ZNF676: variants seen among roughly 807,000 people sequenced by gnomAD.
ZNF676 encodes the protein zinc finger protein 676.
A neutral mutation model predicts 6.0 loss-of-function variants in ZNF676; 4 were observed. The ratio of observed to expected loss-of-function variants is 0.67; its 90% CI spans 0.33 to 1.53. The LOEUF is 1.53. Ranked by LOEUF, ZNF676 falls within the 40% of genes most tolerant of loss-of-function variation. The pLI is 0.06. For missense variants in ZNF676, 644 were observed against 679.7 expected (o/e 0.95, Z 0.58); for synonymous variants, 198 against 223.1 (o/e 0.89, Z 1.00).
chr19:22,254,160 A>C, the ZNF676 span, among the ~76,000 whole-genome samples: 7 of 152,336 alleles, frequency 4.6e-5, no homozygotes, highest in South Asian at 2.1e-4. Context: ...CAGAAGTCAT[A>C]TCACCTAGGT....
At chr19:22,214,365 A>C (rs1029404424) in intron 1 of ZNF676, among the ~76,000 whole-genome samples, 1 of 152,146 alleles carries the variant, frequency 6.6e-6, no homozygotes, top group African/African-American at 2.4e-5. Flanking sequence ...CTGTAATCCC[A>C]GCACTTTGGG....
At chr19:22,241,823 T>C in the ZNF676 span, among the ~76,000 whole-genome samples, 3 of 151,914 alleles carry the variant, frequency 2.0e-5, no homozygotes, top group Non-Finnish European at 4.4e-5. Context: ...ATCTCATTTG[T>C]GGTCAGGTGT....
At chr19:22,193,183 T>A in intron 1 of ZNF676, 72 bp from the exon 2 acceptor site, 1 of 1,420,118 alleles carries the variant, frequency 7.0e-7, no homozygotes, top group Non-Finnish European at 9.4e-7. Context: ...ATGTGCTCAG[T>A]AAAGAGGATG....
In ZNF676 at chr19:22,214,116, G is replaced by A. The variant is rs952424244; in HGVS notation, c.3+1516C>T. 5.3e-5 allele frequency among the ~76,000 whole-genome samples: 8 copies of A among 152,278 alleles called. No homozygotes were observed. The South Asian group carries it at 1.2e-3, about 24-fold the overall frequency. On this transcript the variant is annotated intron_variant, in intron 1 of 3. Transcript: ENST00000650058. ...TAAGGGAGGGGAAACTGGCATTTGG[G>A]AATGTCAGAAGGAACTGGAAATTAA...
the ZNF676 span, among the ~76,000 whole-genome samples, chr19:22,237,802 C>T: frequency 1.3e-5 from 2 of 152,190 alleles, no homozygotes; most frequent in Admixed American, 1.3e-4. Context: ...CATCAGGGTC[C>T]TCCCATACGT....
At chr19:22,211,390 C>G (rs1341310930) in intron 1 of ZNF676, among the ~76,000 whole-genome samples, 1 of 152,092 alleles carries the variant, frequency 6.6e-6, no homozygotes, top group Non-Finnish European at 1.5e-5. Context: ...CCTTAGCTTG[C>G]AGTCATTGGG....
chr19:22,252,888 A>G, the ZNF676 span, among the ~76,000 whole-genome samples: 73 of 152,350 alleles, frequency 4.8e-4, no homozygotes, highest in African/African-American at 1.8e-3. Flanking sequence ...CTCAAGTGCT[A>G]GGCTGAGGTA....
chr19:22,179,967 T>C lies in ZNF676; in HGVS notation c.1750A>G (p.Thr584Ala). 6.2e-7 allele frequency: 1 copy of C among 1,613,380 alleles called. No individual in the cohort carries two copies. Among genetic ancestry groups the C allele is most frequent in the South Asian group, 1.1e-5 (1 of 91,042 alleles). Residue 584 changes from threonine (T) to alanine (A), a missense_variant, in exon 3 of 3, where the codon ACT (threonine) becomes GCT (alanine). Thr to Ala is a moderately conservative substitution (Grantham distance 58). Coordinates refer to ENST00000397121, the MANE Select transcript of ZNF676 (RefSeq NM_001001411.3). ...STVSYHKKIHTGENP is the reference protein window; with the variant it reads ...STVSYHKKIHAGENP ...TCACATTTTTAGGGATTCTCTCCAG[T>C]ATGAATTTTCTTATGATAACTAACA...
At chr19:22,226,002 A>C in the ZNF676 span, among the ~76,000 whole-genome samples, 1 of 152,184 alleles carries the variant, frequency 6.6e-6, no homozygotes, top group Non-Finnish European at 1.5e-5. Context: ...CATCTAAGAA[A>C]ATGATTCCAA....
At chr19:22,182,147 G>C (rs2023764721) in intron 2 of ZNF676, among the ~76,000 whole-genome samples, 1 of 152,002 alleles carries the variant, frequency 6.6e-6, no homozygotes, top group Non-Finnish European at 1.5e-5. Flanking sequence ...GGTGTACCAA[G>C]TGATTACTTT....
chr19:22,196,550 A>C (rs1403018489), intron 1 of ZNF676, 50 bp downstream of exon 1: 2 of 1,613,040 alleles, frequency 1.2e-6, no homozygotes, highest in African/African-American at 2.7e-5. Flanking sequence ...TCTGCAGCAA[A>C]ATGAAACCTG....
At chr19:22,189,610 C>T (rs1227000827) in intron 2 of ZNF676, among the ~76,000 whole-genome samples, 1 of 151,798 alleles carries the variant, frequency 6.6e-6, no homozygotes, top group Non-Finnish European at 1.5e-5. Flanking sequence ...AAAAATTTTG[C>T]AATCTATCCA....
chr19:22,206,126 A>C (rs543667281), intron 1 of ZNF676, among the ~76,000 whole-genome samples: 1 of 152,082 alleles, frequency 6.6e-6, no homozygotes, highest in Non-Finnish European at 1.5e-5. Flanking sequence ...TAAGCTCAAA[A>C]AACTGAATTA....
At chr19:22,187,618 G>A (rs549514050) in intron 2 of ZNF676, among the ~76,000 whole-genome samples, 5 of 151,384 alleles carry the variant, frequency 3.3e-5, no homozygotes, top group South Asian at 2.1e-4. Context: ...TAGATAGACT[G>A]CTAGCCAGTC....
At chr19:22,218,165 T>C (rs1444825161), upstream of ZNF676, among the ~76,000 whole-genome samples, 1 of 152,178 alleles carries the variant, frequency 6.6e-6, no homozygotes, top group African/African-American at 2.4e-5. Flanking sequence ...TCTGTCTTTG[T>C]TTTTGTTGCA....
intron 2 of ZNF676, among the ~76,000 whole-genome samples, chr19:22,182,593 A>AAAAAAAAAAAAGC (rs1356303631): frequency 1.1e-5 from 1 of 90,930 alleles, no homozygotes; most frequent in Non-Finnish European, 2.1e-5. Context: ...TCTAAAAAAA[A>AAAAAAAAAAAAGC]AAAAAAAAAG....
At chr19:22,244,075 A>C in the ZNF676 span, 1 of 134,774 alleles carries the variant, frequency 7.4e-6, no homozygotes, top group Admixed American at 8.2e-5. Context: ...GCCTCATCTC[A>C]CTCTGTCACC....
the ZNF676 span, among the ~76,000 whole-genome samples, chr19:22,237,506 A>G: frequency 2.0e-5 from 3 of 152,128 alleles, no homozygotes; most frequent in African/African-American, 2.4e-5. Context: ...ACACTCTCAA[A>G]CTCACCTCTA....
intron 2 of ZNF676, among the ~76,000 whole-genome samples, chr19:22,185,775 G>A (rs755948251): frequency 1.3e-5 from 2 of 152,022 alleles, no homozygotes; most frequent in South Asian, 4.1e-4. Flanking sequence ...GCAGAAGAAA[G>A]GATATCAGAG....
Sources: gnomAD v4.1 joint callset for allele counts (sites outside exome capture counted in the v4.1 genomes callset) on GRCh38, gnomAD v4.1.1 for gene constraint, MANE v1.5 for transcripts, NCBI Gene and HGNC (gene_info 2026-07-23, HGNC 2026-07-21) for gene names.